The following CD9 variants were observed in gnomAD, a reference collection of about 807,000 sequenced individuals.
CD9 encodes the protein CD9 molecule, also known as CD9 antigen.
CD9 carries 10 observed loss-of-function variants against 31.4 expected under a neutral mutation model. The observed-to-expected ratio is 0.32, with a 90% CI of 0.20 to 0.54. The LOEUF is 0.54. Among genes scored for constraint, CD9 ranks in the 20% least tolerant of loss-of-function variants. The pLI is 0.94. For synonymous variants in CD9, 113 were observed against 114.1 expected (o/e 0.99, Z 0.06); for missense variants, 259 against 300.1 (o/e 0.86, Z 1.01).
In CD9 at chr12:6,216,634, C is replaced by G. The variant is rs375861131; in HGVS notation, c.67-8792C>G. 5.9e-5 allele frequency among the ~76,000 whole-genome samples: 9 copies of G among 152,324 alleles called. No individual in the cohort carries two copies. In the East Asian group the frequency reaches 1.3e-3, roughly 23 times the overall value. Reference sequence around the variant, plus strand: ...CCCTTTAGCCTTCCTTCCCCACTTTCCTTTGGCCATTCCCATCCAGTCTTA... The same window carrying G: ...CCCTTTAGCCTTCCTTCCCCACTTTGCTTTGGCCATTCCCATCCAGTCTTA... On this transcript the variant is annotated intron_variant, in intron 1 of 7. Coordinates refer to ENST00000009180, the MANE Select transcript of CD9 (RefSeq NM_001769.4).
Position 6,213,828 on chromosome 12 carries a change from A to C in CD9, c.67-11598A>C, listed in dbSNP as rs182465100. Among the ~76,000 whole-genome samples, 875 of 152,302 alleles carry C rather than the reference A, an allele frequency of 5.7e-3. 9 individuals are homozygous for C. Among genetic ancestry groups the C allele is most frequent in the East Asian group, 0.031 (162 of 5,172 alleles). ...AAACCCAAGGGAGAAGCTACGGGCC[A>C]GCATCTTCCCTCCCTCCCTCTTGGC... On this transcript the variant is annotated intron_variant, in intron 1 of 7. Transcript: ENST00000009180.
chr12:6,232,283 G>A lies in CD9; in HGVS notation c.176-349G>A, dbSNP rs1162661105. On this transcript the variant is annotated intron_variant, in intron 2 of 7. Coordinates refer to ENST00000009180, the MANE Select transcript of CD9 (RefSeq NM_001769.4). The surrounding 1 kb of genome is among the most constrained non-coding windows in gnomAD (Gnocchi z 4.8). ...TAGCTTGAGTGGATTCATCTTGCTG[G>A]AAAGAGCTGACAGACTGGACCAGTT... The A allele has an allele frequency of 1.1e-5, 4 of 369,198 alleles. No homozygotes were observed. The highest frequency in any genetic ancestry group is 2.0e-5 in the Non-Finnish European group (4 of 195,940). The allele number at this position is 369,198 out of a possible 1,614,324, so 22.9% of individuals were successfully genotyped here.
rs148075568 is a variant in CD9 at position 6,236,328 on chromosome 12, C to T, written c.621+53C>T. 1.8e-5 allele frequency: 27 copies of T among 1,505,484 alleles called. No individual in the cohort carries two copies. In the African/African-American group the frequency reaches 3.3e-4, roughly 18 times the overall value. The allele number at this position is 1,505,484 out of a possible 1,614,324, so 93.3% of individuals were successfully genotyped here. A position where few individuals can be genotyped will look rare whatever the true frequency, so the allele number is the denominator to read the frequency against. On this transcript the variant is annotated intron_variant, in intron 7 of 7. Transcript: ENST00000009180. ...GGGGACTGAGGAGTTCACATTGATT[C>T]AGCCCATGCTCTACCCAGACACCGC...
rs766369652 is a variant in CD9 at position 6,236,209 on chromosome 12, C to G, written c.555C>G (p.Ile185Met). The change falls in exon 7 of 8, where the codon ATC becomes ATG. Residue 185 changes from isoleucine to methionine, a missense_variant. Transcript: ENST00000009180. ...TFTVKSCPDA[I>M]KEVFDNKFHI... ...TCCCCAAGTCCTGTCCTGATGCCAT[C>G]AAAGAGGTCTTCGACAATAAATTCC... 1.9e-6 allele frequency: 3 copies of G among 1,614,218 alleles called. No homozygotes were observed. The highest frequency in any genetic ancestry group is 2.2e-5 in the East Asian group (1 of 44,874).
chr12:6,221,751 GGAT>G (rs917520481), intron 1 of CD9, among the ~76,000 whole-genome samples: 2 of 150,102 alleles, frequency 1.3e-5, no homozygotes, highest in African/African-American at 2.5e-5. Flanking sequence ...TGAGGCAGGA[GGAT>G]TGCTTGAGGC....
At chr12:6,220,863 G>T (rs539036599) in intron 1 of CD9, among the ~76,000 whole-genome samples, 1 of 152,194 alleles carries the variant, frequency 6.6e-6, no homozygotes, top group Non-Finnish European at 1.5e-5. Flanking sequence ...GGAAACCACC[G>T]TTGGTACATT....
intron 1 of CD9, among the ~76,000 whole-genome samples, chr12:6,208,639 G>A (rs1038416798): frequency 6.6e-6 from 1 of 150,944 alleles, no homozygotes; most frequent in Non-Finnish European, 1.5e-5. Flanking sequence ...TGGTGCGATC[G>A]CAGCTCACCG....
chr12:6,222,241 G>A (rs183479576), intron 1 of CD9, among the ~76,000 whole-genome samples: 2 of 152,174 alleles, frequency 1.3e-5, no homozygotes, highest in African/African-American at 4.8e-5. Flanking sequence ...GGCAGCTGAT[G>A]GTTCACATAG....
chr12:6,220,887 T>C (rs1946285957), intron 1 of CD9, among the ~76,000 whole-genome samples: 1 of 152,236 alleles, frequency 6.6e-6, no homozygotes, highest in South Asian at 2.1e-4. Context: ...TTAACTGAGC[T>C]CTGGACTTAG....
chr12:6,218,523 A>G (rs921952488), intron 1 of CD9, among the ~76,000 whole-genome samples: 6 of 152,166 alleles, frequency 3.9e-5, no homozygotes, highest in Non-Finnish European at 8.8e-5. Context: ...GGCTGTACAT[A>G]CGAACCTCCC....
At chr12:6,212,177 T>C (rs1206953039) in intron 1 of CD9, among the ~76,000 whole-genome samples, 1 of 152,198 alleles carries the variant, frequency 6.6e-6, no homozygotes, top group African/African-American at 2.4e-5. Flanking sequence ...TGGCATGTGC[T>C]GTGCACCGTC....
chr12:6,209,673 A>G (rs894822589), intron 1 of CD9, among the ~76,000 whole-genome samples: 16 of 141,730 alleles, frequency 1.1e-4, no homozygotes. Flanking sequence ...CCCAGACTGC[A>G]AATTTCTTTT....
At chr12:6,213,612 A>T (rs754333977) in intron 1 of CD9, among the ~76,000 whole-genome samples, 14 of 152,200 alleles carry the variant, frequency 9.2e-5, no homozygotes, top group Admixed American at 2.0e-4. Flanking sequence ...AAGGAAGTTG[A>T]TTCTTCGTAT....
rs562236470 is a variant in CD9 at position 6,222,552 on chromosome 12, A to G, written c.67-2874A>G. Among the ~76,000 whole-genome samples the G allele has an allele frequency of 2.6e-3, 397 of 152,190 alleles. 1 individual carries two copies. Among genetic ancestry groups the G allele is most frequent in the African/African-American group, 9.1e-3 (378 of 41,492 alleles). ...GGGGTCCGAATGCGGGGGACTCCCG[A>G]CTCCGGGCTTGGCCTGGCCCTTGGC... On this transcript the variant is annotated intron_variant, in intron 1 of 7. Coordinates refer to ENST00000009180, the MANE Select transcript of CD9 (RefSeq NM_001769.4).
At chr12:6,220,082 G>A (rs11568227) in intron 1 of CD9, among the ~76,000 whole-genome samples, 3,934 of 152,318 alleles carry the variant, frequency 0.026, 171 homozygotes, top group African/African-American at 0.088. Context: ...AGGGCAGAGA[G>A]TGTGGAGCAT....
At chr12:6,200,316 C>T (rs1180124490), upstream of CD9, 2 of 368,460 alleles carry the variant, frequency 5.4e-6, no homozygotes, top group African/African-American at 2.1e-5. Flanking sequence ...GTGGGGGCGG[C>T]TTTTCCCGGC....
chr12:6,205,654 A>G (rs541445776), intron 1 of CD9, among the ~76,000 whole-genome samples: 4 of 152,120 alleles, frequency 2.6e-5, no homozygotes, highest in Admixed American at 2.0e-4. Context: ...GTTCTGTTCA[A>G]TTTTATAAGG....
At chr12:6,228,214 A>G (rs1399593439) in intron 2 of CD9, among the ~76,000 whole-genome samples, 5 of 152,104 alleles carry the variant, frequency 3.3e-5, no homozygotes. Context: ...GGCAAGGGGG[A>G]TGATGCACGG....
chr12:6,225,593 C>A (rs1008503302), intron 2 of CD9, 59 bp downstream of exon 2: 12 of 1,090,478 alleles, frequency 1.1e-5, no homozygotes, highest in African/African-American at 1.5e-5. Flanking sequence ...GTTCCTGCAA[C>A]TTTGGAGGCC....
Sources: gnomAD v4.1 joint callset for allele counts (sites outside exome capture counted in the v4.1 genomes callset) on GRCh38, gnomAD v4.1.1 for gene constraint, Gnocchi (gnomAD v3.1) non-coding constraint, MANE v1.5 for transcripts, NCBI Gene and HGNC (gene_info 2026-07-23, HGNC 2026-07-21) for gene names.